The following OPCML variants were observed in gnomAD, a reference collection of about 807,000 sequenced individuals.
OPCML encodes the protein opioid binding protein/cell adhesion molecule like.
OPCML carries 13 observed loss-of-function variants against 37.8 expected under a neutral mutation model. The observed-to-expected ratio is 0.34, with a 90% CI of 0.22 to 0.55. OPCML has a LOEUF of 0.55. Among genes scored for constraint, OPCML ranks in the 20% least tolerant of loss-of-function variants. OPCML has a pLI of 0.91. For synonymous variants in OPCML, 176 were observed against 168.8 expected, an observed-to-expected ratio of 1.04 and a Z score of -0.33; for missense variants, 341 against 435.6, an observed-to-expected ratio of 0.78 and a Z score of 1.93.
intron 1 of OPCML, among the ~76,000 whole-genome samples, chr11:133,303,324 C>T (rs1048402332): frequency 6.6e-6 from 1 of 152,066 alleles, no homozygotes. Context: ...ATTTCCTTAC[C>T]AGGAGGCAAT....
intron 1 of OPCML, among the ~76,000 whole-genome samples, chr11:132,983,965 C>G (rs1946639438): frequency 6.6e-6 from 1 of 152,202 alleles, no homozygotes; most frequent in Admixed American, 6.5e-5. Flanking sequence ...ATTGAGTTTA[C>G]TATTGTCTGG....
chr11:132,499,238 G>C (rs767597374), intron 4 of OPCML, among the ~76,000 whole-genome samples: 1 of 152,184 alleles, frequency 6.6e-6, no homozygotes, highest in African/African-American at 2.4e-5. Context: ...GAATAGGAAC[G>C]GCACCATGCA....
chr11:132,747,782 T>C (rs1182897943), intron 2 of OPCML, among the ~76,000 whole-genome samples: 1 of 152,158 alleles, frequency 6.6e-6, no homozygotes, highest in African/African-American at 2.4e-5. Context: ...AAATTACAGA[T>C]TCCAGGCAAG....
chr11:133,530,251 G>A (rs943262302), intron 1 of OPCML, among the ~76,000 whole-genome samples: 16 of 152,164 alleles, frequency 1.1e-4, no homozygotes, highest in Admixed American at 2.6e-4. Context: ...GCAGTGCCAC[G>A]GGACCCCTAG....
chr11:133,423,309 G>T (rs1945931730), intron 1 of OPCML: 1 of 985,224 alleles, frequency 1.0e-6, no homozygotes, highest in Admixed American at 6.2e-5. Context: ...AAGTTCTGAG[G>T]GATTTCCACC....
intron 1 of OPCML, among the ~76,000 whole-genome samples, chr11:133,238,638 A>G (rs1295037707): frequency 6.6e-6 from 1 of 152,008 alleles, no homozygotes; most frequent in African/African-American, 2.4e-5. Context: ...TGGTCATCAG[A>G]GCCTCCCGCC....
intron 3 of OPCML, among the ~76,000 whole-genome samples, chr11:132,635,620 G>A (rs915457678): frequency 6.7e-6 from 1 of 150,046 alleles, no homozygotes; most frequent in Non-Finnish European, 1.5e-5. Context: ...CCAAACTCTA[G>A]CTGACAGACA....
chr11:132,915,564 T>C (rs982284913), intron 2 of OPCML, among the ~76,000 whole-genome samples: 5 of 152,242 alleles, frequency 3.3e-5, no homozygotes, highest in Middle Eastern at 3.2e-3. Context: ...TGTATAGATA[T>C]GGACAATCAC....
intron 2 of OPCML, among the ~76,000 whole-genome samples, chr11:132,812,698 C>G (rs541534641): frequency 2.0e-5 from 3 of 152,202 alleles, no homozygotes; most frequent in African/African-American, 7.2e-5. Flanking sequence ...CTCTTTGGAA[C>G]TACAATGATC....
intron 2 of OPCML, among the ~76,000 whole-genome samples, chr11:132,863,528 C>CT (rs1942396422): frequency 6.7e-6 from 1 of 148,200 alleles, no homozygotes; most frequent in Non-Finnish European, 1.5e-5. Context: ...GTCTCTCAGT[C>CT]TTAACCTCCC....
At chr11:132,608,902 T>C (rs1196035710) in intron 3 of OPCML, among the ~76,000 whole-genome samples, 2 of 152,086 alleles carry the variant, frequency 1.3e-5, no homozygotes, top group African/African-American at 4.8e-5. Flanking sequence ...GTGTCGTGAG[T>C]TCCAATATAT....
At chr11:133,300,702 G>C (rs1368467414) in intron 1 of OPCML, 1 of 152,220 alleles carries the variant, frequency 6.6e-6, no homozygotes, top group Non-Finnish European at 1.5e-5. Flanking sequence ...CTATGGTTAA[G>C]TTAACATGGA....
chr11:133,219,754 AG>A (rs1208001130), intron 1 of OPCML, among the ~76,000 whole-genome samples: 26 of 152,016 alleles, frequency 1.7e-4, no homozygotes, highest in Admixed American at 1.7e-3. Flanking sequence ...TGCCCCCTGG[AG>A]GACATTTGGC....
chr11:133,096,233 T>C (rs537948859), intron 1 of OPCML, among the ~76,000 whole-genome samples: 6 of 152,074 alleles, frequency 3.9e-5, no homozygotes, highest in African/African-American at 1.4e-4. Context: ...TTTGTTATTA[T>C]AAGGTACTTG....
In OPCML at chr11:132,684,703, C is replaced by T. The variant is rs184175849; in HGVS notation, c.147-27384G>A. ...TATCATCTATACACAAAGAATTAAT[C>T]AGCAGTGAAAAATGGACAAAAATCT... On this transcript the variant is annotated intron_variant, in intron 2 of 7. Coordinates refer to ENST00000524381, the MANE Select transcript of OPCML (RefSeq NM_001012393.5). 1.7e-4 allele frequency among the ~76,000 whole-genome samples: 26 copies of T among 152,288 alleles called. 1 individual carries two copies. The East Asian group carries it at 2.7e-3, about 16-fold the overall frequency.
At chr11:133,024,810 C>A in intron 1 of OPCML, 17 of 985,384 alleles carry the variant, frequency 1.7e-5, no homozygotes, top group Non-Finnish European at 2.0e-5. Flanking sequence ...GGACTCAGTT[C>A]TATCACTGCC....
At chr11:132,768,696 AT>A (rs1946539114) in intron 2 of OPCML, among the ~76,000 whole-genome samples, 3 of 152,246 alleles carry the variant, frequency 2.0e-5, no homozygotes, top group Admixed American at 6.5e-5. Context: ...CAATGCCACT[AT>A]CTCCTTTCAC....
chr11:133,400,775 T>A (rs908488706), intron 1 of OPCML, among the ~76,000 whole-genome samples: 1 of 152,216 alleles, frequency 6.6e-6, no homozygotes, highest in Non-Finnish European at 1.5e-5. Flanking sequence ...TGGATCATGA[T>A]ACAGCCTAGC....
chr11:132,474,665 A>G (rs2096149106), intron 4 of OPCML, among the ~76,000 whole-genome samples: 1 of 152,124 alleles, frequency 6.6e-6, no homozygotes, highest in African/African-American at 2.4e-5. Context: ...CCCTTCCTGA[A>G]CAGATTGTTG....
Sources: gnomAD v4.1 joint callset for allele counts (sites outside exome capture counted in the v4.1 genomes callset) on GRCh38, gnomAD v4.1.1 for gene constraint, MANE v1.5 for transcripts, NCBI Gene and HGNC (gene_info 2026-07-23, HGNC 2026-07-21) for gene names.